The following FOCAD variants were observed in gnomAD, a reference collection of about 807,000 sequenced individuals.
FOCAD encodes the protein KIAA1797.
Under a neutral mutation model 225.6 loss-of-function variants are expected in FOCAD, and 198 were observed. The ratio of observed to expected loss-of-function variants is 0.88; its 90% CI spans 0.78 to 0.99. FOCAD has a LOEUF of 0.99. Ranked by LOEUF, FOCAD falls within the 50% of genes least tolerant of loss-of-function variation. FOCAD has a pLI of 0.00. For missense variants in FOCAD, 2,713 were observed against 2,123.6 expected (o/e 1.28, Z -5.46); for synonymous variants, 897 against 755.0 (o/e 1.19, Z -3.08).
At chr9:20,845,977 T>C (rs1021106632) in intron 15 of FOCAD, among the ~76,000 whole-genome samples, 1 of 152,160 alleles carries the variant, frequency 6.6e-6, no homozygotes, top group Non-Finnish European at 1.5e-5. Flanking sequence ...CAAATGTTTA[T>C]TATGAGGTTT....
intron 7 of FOCAD, 49 bp downstream of exon 7, chr9:20,765,122 T>C: frequency 6.6e-7 from 1 of 1,512,778 alleles, no homozygotes; most frequent in Non-Finnish European, 9.0e-7. Context: ...TCAGTAAGTG[T>C]TGTTATTGTC....
Position 20,663,008 on chromosome 9 carries a change from T to C in FOCAD, c.-78+4182T>C, listed in dbSNP as rs184677477. Among the ~76,000 whole-genome samples, 95 of 152,356 alleles carry C rather than the reference T, an allele frequency of 6.2e-4. No homozygotes were observed. In the East Asian group the frequency reaches 9.3e-3, roughly 15 times the overall value. On this transcript the variant is annotated intron_variant, in intron 2 of 45. Coordinates refer to the FOCAD transcript ENST00000380249. ...GTTACAGTTTTAACAGTAACACTTA[T>C]AATGTATCTTATTCTCAGTAAACAA... is the stretch of plus-strand genomic sequence containing the variant.
chr9:20,744,344 A>C (rs779056445), intron 5 of FOCAD, among the ~76,000 whole-genome samples: 1 of 152,224 alleles, frequency 6.6e-6, no homozygotes, highest in Non-Finnish European at 1.5e-5. Flanking sequence ...GAAACACTGG[A>C]TTAGAATCAT....
At chr9:20,942,351 A>G (rs1836752583) in intron 28 of FOCAD, among the ~76,000 whole-genome samples, 1 of 152,196 alleles carries the variant, frequency 6.6e-6, no homozygotes. Context: ...TTATGTGCCC[A>G]GGATAGCCTG....
At chr9:20,955,059 A>G (rs1444210598) in intron 35 of FOCAD, among the ~76,000 whole-genome samples, 1 of 152,230 alleles carries the variant, frequency 6.6e-6, no homozygotes, top group Non-Finnish European at 1.5e-5. Context: ...GATGTCACTC[A>G]TCAGAGCCCG....
chr9:20,926,354 A>G lies in FOCAD; in HGVS notation c.3015A>G (p.Thr1005=). 1 of 1,613,712 alleles carries G rather than the reference A, an allele frequency of 6.2e-7. No individual in the cohort carries two copies. Among genetic ancestry groups the G allele is most frequent in the Non-Finnish European group, 8.5e-7 (1 of 1,179,734 alleles). The change falls in exon 26 of 44, where the codon ACA becomes ACG. Residue 1005 remains threonine (T), a synonymous_variant. Coordinates refer to ENST00000338382, the MANE Select transcript of FOCAD (RefSeq NM_001375567.1). ...MKEWVSMVLD[T]LLVIVDSHYQ... ...AGTGGGTTTCCATGGTACTTGATAC[A>G]CTCTTGGTCATTGTGGATAGCCATT... is the stretch of plus-strand genomic sequence containing the variant.
At chr9:20,867,062 C>T in intron 18 of FOCAD, 50 bp downstream of exon 18, 2 of 1,244,878 alleles carry the variant, frequency 1.6e-6, no homozygotes, top group Non-Finnish European at 2.3e-6. Flanking sequence ...CTAGGGTTTA[C>T]AACTTTTTCT....
At chr9:20,907,596 G>C (rs1322420078) in intron 22 of FOCAD, among the ~76,000 whole-genome samples, 1 of 151,968 alleles carries the variant, frequency 6.6e-6, no homozygotes, top group Non-Finnish European at 1.5e-5. Flanking sequence ...AGCTGGACTT[G>C]CTTACATCTC....
intron 4 of FOCAD, among the ~76,000 whole-genome samples, chr9:20,732,329 C>T (rs754044489): frequency 6.6e-6 from 1 of 152,070 alleles, no homozygotes; most frequent in Non-Finnish European, 1.5e-5. Flanking sequence ...GGAAGTGACA[C>T]CTAAGATGAG....
intron 2 of FOCAD, among the ~76,000 whole-genome samples, chr9:20,668,602 T>C (rs1313165904): frequency 6.6e-6 from 1 of 152,172 alleles, no homozygotes; most frequent in Non-Finnish European, 1.5e-5. Flanking sequence ...CTAAATGGTA[T>C]GATTACAGGG....
chr9:20,847,225 C>G (rs1202877944), intron 15 of FOCAD, among the ~76,000 whole-genome samples: 1 of 111,370 alleles, frequency 9.0e-6, no homozygotes, highest in African/African-American at 3.4e-5. Flanking sequence ...CTTCCCAATC[C>G]TTCATCTCTC....
intron 15 of FOCAD, among the ~76,000 whole-genome samples, chr9:20,828,007 A>G (rs1825084492): frequency 1.3e-5 from 2 of 151,974 alleles, no homozygotes; most frequent in East Asian, 1.9e-4. Flanking sequence ...TCTTGTCTCT[A>G]TAAAAATATG....
In FOCAD at chr9:20,921,223, A is replaced by T. The variant is rs188482764; in HGVS notation, c.2853-2437A>T. Among the ~76,000 whole-genome samples, 29 of 152,296 alleles carry T rather than the reference A, an allele frequency of 1.9e-4. No individual in the cohort carries two copies. The East Asian group carries it at 5.4e-3, about 28-fold the overall frequency. ...TGAAGTATTGAGTCACTTTACTAAT[A>T]TGTAATGTAATACTTTGTCCCTAAG... On this transcript the variant is annotated intron_variant, in intron 24 of 43. Coordinates refer to ENST00000338382, the MANE Select transcript of FOCAD (RefSeq NM_001375567.1).
At chr9:20,873,464 A>T (rs527622859) in intron 18 of FOCAD, among the ~76,000 whole-genome samples, 1 of 152,304 alleles carries the variant, frequency 6.6e-6, no homozygotes, top group Admixed American at 6.5e-5. Flanking sequence ...ATATGCAGTG[A>T]TTTCGACAGA....
intron 4 of FOCAD, among the ~76,000 whole-genome samples, chr9:20,734,987 A>G (rs1253114881): frequency 2.6e-5 from 4 of 152,130 alleles, no homozygotes. Flanking sequence ...TTTATGGGAA[A>G]AGGGGTATAA....
intron 36 of FOCAD, among the ~76,000 whole-genome samples, chr9:20,976,797 T>C (rs1042100011): frequency 1.3e-5 from 2 of 152,210 alleles, no homozygotes; most frequent in South Asian, 4.1e-4. Context: ...GTTTGCGCAC[T>C]GCTGGGAATG....
At chr9:20,908,651 C>T (rs1833179999) in intron 22 of FOCAD, among the ~76,000 whole-genome samples, 1 of 152,040 alleles carries the variant, frequency 6.6e-6, no homozygotes, top group African/African-American at 2.4e-5. Context: ...TTATCTTCAG[C>T]AGCATCTGGG....
At chr9:20,934,720 T>C (rs1291159730) in intron 28 of FOCAD, among the ~76,000 whole-genome samples, 1 of 152,100 alleles carries the variant, frequency 6.6e-6, no homozygotes, top group Non-Finnish European at 1.5e-5. Flanking sequence ...TTTGGCTATG[T>C]GGACTTCTTC....
intron 24 of FOCAD, among the ~76,000 whole-genome samples, chr9:20,922,900 C>G (rs1197129718): frequency 6.6e-6 from 1 of 152,120 alleles, no homozygotes; most frequent in East Asian, 1.9e-4. Context: ...ATTAAATGTA[C>G]ATTTTCAAGT....
Sources: gnomAD v4.1 joint callset for allele counts (sites outside exome capture counted in the v4.1 genomes callset) on GRCh38, gnomAD v4.1.1 for gene constraint, MANE v1.5 for transcripts, NCBI Gene and HGNC (gene_info 2026-07-23, HGNC 2026-07-21) for gene names.